NRG1: variants seen among roughly 807,000 people sequenced by gnomAD.
The protein encoded by NRG1 is neuregulin 1.
In NRG1, 18 loss-of-function variants were observed where a neutral mutation model predicts 63.8. That is an observed-to-expected ratio of 0.28 (90% CI 0.19 to 0.42). The LOEUF is 0.42. Ranked by LOEUF, NRG1 falls within the 10% of genes least tolerant of loss-of-function variation. The pLI is 1.00. For missense variants in NRG1, 762 were observed against 814.7 expected (o/e 0.94, Z 0.79); for synonymous variants, 302 against 301.3 (o/e 1.00, Z -0.02).
At chr8:32,381,492 G>T (rs1017281968) in intron 1 of NRG1, among the ~76,000 whole-genome samples, 2 of 152,264 alleles carry the variant, frequency 1.3e-5, no homozygotes, top group African/African-American at 4.8e-5. Flanking sequence ...GTACAGCACA[G>T]TCCTCAATAA....
chr8:32,676,062 G>A lies in NRG1; in HGVS notation c.503-51887G>A, dbSNP rs182137604. 1.1e-3 allele frequency among the ~76,000 whole-genome samples: 172 copies of A among 152,242 alleles called. 1 individual carries two copies. The highest frequency in any genetic ancestry group is 4.4e-3 in the East Asian group (23 of 5,172). On this transcript the variant is annotated intron_variant, in intron 5 of 11. Transcript: ENST00000356819. Reference sequence around the variant, plus strand: ...AATAATAATAATCATGGTAAAAGTAGCAATTATTGTTATTTTAATAGTCAT... The same window carrying A: ...AATAATAATAATCATGGTAAAAGTAACAATTATTGTTATTTTAATAGTCAT...
chr8:32,233,564 T>TA (rs1554660618), intron 1 of NRG1, among the ~76,000 whole-genome samples: 797 of 26,856 alleles, frequency 0.03, 4 homozygotes, highest in South Asian at 0.097. Context: ...TATATATATA[T>TA]TTTTTTTTTT....
At chr8:32,022,463 A>C (rs1346569372) in intron 1 of NRG1, among the ~76,000 whole-genome samples, 1 of 152,162 alleles carries the variant, frequency 6.6e-6, no homozygotes, top group Non-Finnish European at 1.5e-5. Flanking sequence ...TAATGCTGAA[A>C]TTTTGATACT....
chr8:32,763,500 C>A, intron 11 of NRG1: 1 of 1,142,978 alleles, frequency 8.7e-7, no homozygotes, highest in Non-Finnish European at 1.2e-6. Context: ...GATTGAAAAT[C>A]CCAAAAGCTT....
chr8:32,382,900 T>A (rs550332212), intron 1 of NRG1, among the ~76,000 whole-genome samples: 1 of 152,210 alleles, frequency 6.6e-6, no homozygotes, highest in East Asian at 1.9e-4. Flanking sequence ...ACTTTTTATA[T>A]ATTTAAAATA....
At chr8:32,192,770 CAT>C (rs892096797) in intron 1 of NRG1, among the ~76,000 whole-genome samples, 2 of 152,028 alleles carry the variant, frequency 1.3e-5, no homozygotes, top group Non-Finnish European at 2.9e-5. Flanking sequence ...AAACATAAAA[CAT>C]ATAGATTTTT....
At chr8:32,114,431 G>A (rs1481971104) in intron 1 of NRG1, among the ~76,000 whole-genome samples, 1 of 152,046 alleles carries the variant, frequency 6.6e-6, no homozygotes, top group East Asian at 1.9e-4. Context: ...AGAGATAACT[G>A]TGTCTCCAGA....
chr8:31,862,927 T>A (rs1828603664), intron 1 of NRG1, among the ~76,000 whole-genome samples: 1 of 152,176 alleles, frequency 6.6e-6, no homozygotes, highest in Admixed American at 6.5e-5. Flanking sequence ...TTGGTTGTAG[T>A]GTTGTCTATT....
chr8:32,670,711 G>T (rs543079679), intron 5 of NRG1, among the ~76,000 whole-genome samples: 2 of 152,272 alleles, frequency 1.3e-5, no homozygotes, highest in South Asian at 4.1e-4. Flanking sequence ...TACACAGAGG[G>T]TGCTCAGACA....
chr8:31,787,701 G>A lies in NRG1; in HGVS notation c.37+148270G>A, dbSNP rs533912075. 1.1e-3 allele frequency among the ~76,000 whole-genome samples: 169 copies of A among 152,248 alleles called. 5 individuals are homozygous for A. The highest frequency in any genetic ancestry group is 3.1e-4 in the Non-Finnish European group (21 of 68,010). ...TAGAGAATAGTCTTCAATTTACACT[G>A]AATGCATGTTTGGCAAATATACTAA... On this transcript the variant is annotated intron_variant, in intron 1 of 10. Coordinates refer to the NRG1 transcript ENST00000519301.
chr8:32,050,255 C>A (rs892623423), intron 1 of NRG1, among the ~76,000 whole-genome samples: 3 of 152,070 alleles, frequency 2.0e-5, no homozygotes, highest in African/African-American at 7.2e-5. Flanking sequence ...AATATATTTT[C>A]TCTTTTCTGC....
chr8:32,732,330 A>G (rs578207184), intron 6 of NRG1, among the ~76,000 whole-genome samples: 1 of 152,208 alleles, frequency 6.6e-6, no homozygotes, highest in African/African-American at 2.4e-5. Context: ...GAAATTGTCC[A>G]GATTTCCTCT....
intron 1 of NRG1, among the ~76,000 whole-genome samples, chr8:31,982,113 A>G (rs1326015322): frequency 6.6e-6 from 1 of 151,910 alleles, no homozygotes; most frequent in Non-Finnish European, 1.5e-5. Flanking sequence ...GAACTGGTAA[A>G]GGTGGCAGGA....
At chr8:31,671,173 C>T (rs1222259718) in intron 1 of NRG1, among the ~76,000 whole-genome samples, 2 of 151,996 alleles carry the variant, frequency 1.3e-5, no homozygotes, top group African/African-American at 2.4e-5. Flanking sequence ...CTCAAATCAA[C>T]AAACAAAACA....
At chr8:32,458,728 GT>G (rs1821929785) in intron 1 of NRG1, among the ~76,000 whole-genome samples, 1 of 152,064 alleles carries the variant, frequency 6.6e-6, no homozygotes, top group African/African-American at 2.4e-5. Context: ...AATGTTATTT[GT>G]GAGGTTCAGC....
intron 5 of NRG1, among the ~76,000 whole-genome samples, chr8:32,650,569 G>T (rs920523189): frequency 6.9e-6 from 1 of 145,268 alleles, no homozygotes; most frequent in African/African-American, 2.6e-5. Flanking sequence ...GAAAGGGATT[G>T]GTCCAGGCAG....
Position 32,303,922 on chromosome 8 carries a change from T to C in NRG1, c.38-291906T>C, listed in dbSNP as rs539992599. Among the ~76,000 whole-genome samples, 8 of 152,334 alleles carry C rather than the reference T, an allele frequency of 5.3e-5. No homozygotes were observed. In the East Asian group the frequency reaches 1.5e-3, roughly 29 times the overall value. ...CATCCAAATAAATGTTGATAGTCTC[T>C]CAATTAAAATAAAAGCTGTAAGTTT... On this transcript the variant is annotated intron_variant, in intron 1 of 10. Transcript: ENST00000519301.
intron 1 of NRG1, among the ~76,000 whole-genome samples, chr8:31,919,150 C>G (rs895945923): frequency 2.0e-5 from 3 of 152,048 alleles, no homozygotes; most frequent in Non-Finnish European, 4.4e-5. Context: ...TTTCAAAAAA[C>G]CAGGTCCTGG....
At chr8:31,786,468 T>C (rs1472672909) in intron 1 of NRG1, among the ~76,000 whole-genome samples, 1 of 152,206 alleles carries the variant, frequency 6.6e-6, no homozygotes, top group Non-Finnish European at 1.5e-5. Flanking sequence ...TCAATGCTAC[T>C]CTGACACTGT....
Sources: allele counts gnomAD v4.1 joint callset (sites outside exome capture counted in the v4.1 genomes callset), GRCh38; gene constraint gnomAD v4.1.1; transcripts MANE v1.5; gene names NCBI Gene and HGNC (gene_info 2026-07-23, HGNC 2026-07-21).